The following NOL4L variants were observed in gnomAD, a reference collection of about 807,000 sequenced individuals.
The protein encoded by NOL4L is nucleolar protein 4 like.
NOL4L carries 7 observed loss-of-function variants against 64.5 expected under a neutral mutation model. The observed-to-expected ratio is 0.11, with a 90% confidence interval of 0.06 to 0.20. The LOEUF is 0.20. NOL4L is among the 10% of genes least tolerant of loss of function. NOL4L has a pLI of 1.00. For missense variants in NOL4L, 680 were observed against 967.1 expected (o/e 0.70, Z 3.94); for synonymous variants, 413 against 401.0 (o/e 1.03, Z -0.36).
intron 2 of NOL4L, among the ~76,000 whole-genome samples, chr20:32,524,483 C>A (rs540570365): frequency 6.6e-6 from 1 of 152,208 alleles, no homozygotes; most frequent in Non-Finnish European, 1.5e-5. Context: ...ATTTAGTGCA[C>A]TGAAAAAGTC....
intron 2 of NOL4L, among the ~76,000 whole-genome samples, chr20:32,526,183 C>A (rs1010357202): frequency 2.6e-5 from 4 of 152,184 alleles, no homozygotes; most frequent in Non-Finnish European, 4.4e-5. Flanking sequence ...AACCACCATG[C>A]CCCACCCACA....
At chr20:32,456,711 G>A (rs1291492004) in intron 5 of NOL4L, among the ~76,000 whole-genome samples, 2 of 152,224 alleles carry the variant, frequency 1.3e-5, no homozygotes, top group Non-Finnish European at 2.9e-5. Flanking sequence ...CAAGGGTTTG[G>A]GAGTGAGTGG....
chr20:32,495,393 A>C (rs952923998), intron 4 of NOL4L, among the ~76,000 whole-genome samples: 1 of 152,232 alleles, frequency 6.6e-6, no homozygotes, highest in South Asian at 2.1e-4. Flanking sequence ...TCGGCACCGC[A>C]AGCCAAAGCT....
At chr20:32,513,989 A>C (rs2017531554) in intron 3 of NOL4L, among the ~76,000 whole-genome samples, 1 of 152,240 alleles carries the variant, frequency 6.6e-6, no homozygotes, top group African/African-American at 2.4e-5. Context: ...CCTGCTTGGC[A>C]AGGATAGGAA....
chr20:32,456,475 GTCC>G, intron 5 of NOL4L, 80 bp from the exon 6 acceptor site: 2 of 1,333,572 alleles, frequency 1.5e-6, no homozygotes, highest in Non-Finnish European at 2.0e-6. Context: ...CCCACCCTGT[GTCC>G]TCCTCATGAG....
At chr20:32,475,992 G>A (rs184036738) in intron 4 of NOL4L, among the ~76,000 whole-genome samples, 2 of 152,178 alleles carry the variant, frequency 1.3e-5, no homozygotes, top group Non-Finnish European at 2.9e-5. Flanking sequence ...CAGAGGACAG[G>A]AGCTGGGCTG....
chr20:32,502,803 C>T (rs953736120), intron 4 of NOL4L, among the ~76,000 whole-genome samples: 9 of 151,782 alleles, frequency 5.9e-5, no homozygotes, highest in Admixed American at 1.3e-4. Flanking sequence ...CCCAGCTACT[C>T]GGGAGGCTGA....
chr20:32,490,000 G>C (rs561337772), intron 4 of NOL4L, among the ~76,000 whole-genome samples: 1 of 150,524 alleles, frequency 6.6e-6, no homozygotes, highest in Admixed American at 6.6e-5. Flanking sequence ...GTGGTGGTGC[G>C]TGTCTGTAGT....
intron 4 of NOL4L, among the ~76,000 whole-genome samples, chr20:32,493,536 T>C (rs962944899): frequency 6.6e-6 from 1 of 152,014 alleles, no homozygotes; most frequent in Non-Finnish European, 1.5e-5. Flanking sequence ...GGTTTCCTCA[T>C]CTCTAAAATG....
At chr20:32,469,054 G>A (rs1049389897) in intron 5 of NOL4L, among the ~76,000 whole-genome samples, 1 of 152,146 alleles carries the variant, frequency 6.6e-6, no homozygotes, top group African/African-American at 2.4e-5. Flanking sequence ...TTCCTGCCCT[G>A]TGGAACAGCG....
chr20:32,573,060 A>G (rs1367772869), intron 1 of NOL4L, among the ~76,000 whole-genome samples: 1 of 147,304 alleles, frequency 6.8e-6, no homozygotes, highest in Non-Finnish European at 1.5e-5. Context: ...TTTTTTAGAC[A>G]GGGTCTCGCT....
rs900758689 is a variant in NOL4L at position 32,567,003 on chromosome 20, G to C, written c.321+17567C>G. 2.0e-5 allele frequency among the ~76,000 whole-genome samples: 3 copies of C among 152,230 alleles called. No individual in the cohort carries two copies. The East Asian group carries it at 5.8e-4, about 29-fold the overall frequency. On this transcript the variant is annotated intron_variant, in intron 1 of 10. Coordinates refer to ENST00000621426, the MANE Select transcript of NOL4L (RefSeq NM_001256798.2). ...CAGAGAGGAAAGCTGGTGGGCCCCA[G>C]GCTGCACAGGAAGTGAAGGGGCAGC...
intron 3 of NOL4L, among the ~76,000 whole-genome samples, chr20:32,517,679 C>A (rs1331991753): frequency 6.6e-6 from 1 of 152,198 alleles, no homozygotes; most frequent in Admixed American, 6.5e-5. Context: ...TGGGTAGAGG[C>A]AGACCTTGTG....
At position 32,453,923 on chromosome 20, in the gene NOL4L, T is replaced by G; in HGVS notation, c.1120-162A>C. On this transcript the variant is annotated intron_variant, in intron 6 of 10. Coordinates refer to ENST00000621426, the MANE Select transcript of NOL4L (RefSeq NM_001256798.2). The surrounding 1 kb of genome is among the most constrained non-coding windows in gnomAD (Gnocchi z 5.6). ...TGAGCAAGTCACTCCCCTCTTCTGC[T>G]CCCTTCATCTGTGCAATGGGGACAG... 1.5e-6 allele frequency: 1 copy of G among 648,548 alleles called. No individual in the cohort carries two copies. Among genetic ancestry groups the G allele is most frequent in the East Asian group, 2.7e-5 (1 of 36,634 alleles). 40.2% of individuals were successfully genotyped at this position (648,548 alleles called of 1,614,324 possible).
intron 4 of NOL4L, chr20:32,483,218 C>T (rs1457799654): frequency 2.9e-6 from 1 of 345,972 alleles, no homozygotes; most frequent in Non-Finnish European, 4.1e-6. Context: ...GAAGCTCCCC[C>T]TGCGCCCCCC....
chr20:32,543,560 A>G (rs1432342464), intron 1 of NOL4L, among the ~76,000 whole-genome samples: 3 of 152,150 alleles, frequency 2.0e-5, no homozygotes, highest in Non-Finnish European at 1.5e-5. Flanking sequence ...AGGAGGTTGC[A>G]GCGAGCTGAG....
At chr20:32,519,010 A>T (rs1459355829) in intron 3 of NOL4L, among the ~76,000 whole-genome samples, 1 of 152,212 alleles carries the variant, frequency 6.6e-6, no homozygotes, top group Non-Finnish European at 1.5e-5. Context: ...ACTAACCCAT[A>T]TCTTGTCAGC....
At chr20:32,528,564 T>A (rs1224543654) in intron 1 of NOL4L, among the ~76,000 whole-genome samples, 2 of 152,194 alleles carry the variant, frequency 1.3e-5, no homozygotes, top group African/African-American at 4.8e-5. Flanking sequence ...GAGCCTCTTA[T>A]CAGGCTGGCT....
chr20:32,548,197 A>G (rs973327890), intron 1 of NOL4L, among the ~76,000 whole-genome samples: 5 of 152,184 alleles, frequency 3.3e-5, no homozygotes, highest in African/African-American at 1.2e-4. Context: ...TCAGGATTGA[A>G]CCTACATTTG....
Sources: gnomAD v4.1 joint callset for allele counts (sites outside exome capture counted in the v4.1 genomes callset) on GRCh38, gnomAD v4.1.1 for gene constraint, Gnocchi (gnomAD v3.1) non-coding constraint, MANE v1.5 for transcripts, NCBI Gene and HGNC (gene_info 2026-07-23, HGNC 2026-07-21) for gene names.